Variants in ATP13A5 observed in about 807,000 individuals in gnomAD.
ATP13A5 encodes probable cation-transporting ATPase 13A5.
A neutral mutation model predicts 150.2 loss-of-function variants in ATP13A5; 149 were observed. The observed-to-expected ratio is 0.99, with a 90% CI of 0.87 to 1.14. The LOEUF (loss-of-function observed/expected upper bound fraction) is 1.14. Among genes scored for constraint, ATP13A5 ranks in the 50% most tolerant of loss-of-function variants. The probability of loss-of-function intolerance (pLI) is 0.00; values close to 1 mark genes in which losing one functional copy is unlikely to be tolerated. For synonymous variants in ATP13A5, 497 were observed against 522.2 expected (o/e 0.95, Z 0.66); for missense variants, 1,383 against 1,449.3 (o/e 0.95, Z 0.74).
intron 1 of ATP13A5, among the ~76,000 whole-genome samples, chr3:193,370,365 C>T (rs1328216469): frequency 6.6e-6 from 1 of 152,158 alleles, no homozygotes; most frequent in Non-Finnish European, 1.5e-5. Flanking sequence ...CACTTCTGCC[C>T]TTTGCTCCAC....
chr3:193,284,061 C>A (rs1717616753), intron 27 of ATP13A5, among the ~76,000 whole-genome samples: 1 of 150,828 alleles, frequency 6.6e-6, no homozygotes, highest in Admixed American at 6.6e-5. Context: ...TGCTCTGTTG[C>A]CCAGGCTGGA....
At chr3:193,375,375 AG>A in intron 1 of ATP13A5, among the ~76,000 whole-genome samples, 1 of 152,310 alleles carries the variant, frequency 6.6e-6, no homozygotes, top group Non-Finnish European at 1.5e-5. Flanking sequence ...TATAACCTGG[AG>A]GCTTCAGATT....
intron 9 of ATP13A5, 64 bp from the exon 10 acceptor site, chr3:193,335,163 G>A (rs1187855555): frequency 8.8e-6 from 13 of 1,483,746 alleles, no homozygotes; most frequent in Middle Eastern, 1.8e-4. Context: ...ACTGGTGCAT[G>A]CCAGTTTCAA....
At chr3:193,289,862 C>T (rs1471254452) in intron 26 of ATP13A5, 23 bp downstream of exon 26, 6 of 1,544,484 alleles carry the variant, frequency 3.9e-6, no homozygotes, top group South Asian at 2.5e-5. Context: ...CTTTCGAAAG[C>T]AGCACTAAGA....
intron 9 of ATP13A5, among the ~76,000 whole-genome samples, chr3:193,343,136 T>A (rs1256428872): frequency 6.6e-6 from 1 of 152,178 alleles, no homozygotes; most frequent in Admixed American, 6.6e-5. Flanking sequence ...TTAAAACATT[T>A]TCCCTGTCTT....
At chr3:193,364,073 T>G (rs1419677261) in intron 2 of ATP13A5, 34 bp downstream of exon 2, 1 of 1,607,696 alleles carries the variant, frequency 6.2e-7, no homozygotes, top group African/African-American at 1.3e-5. Flanking sequence ...GACACGATCA[T>G]GGCTTTCAAA....
chr3:193,372,639 G>A (rs1413263137), intron 1 of ATP13A5, among the ~76,000 whole-genome samples: 1 of 152,056 alleles, frequency 6.6e-6, no homozygotes, highest in Non-Finnish European at 1.5e-5. Flanking sequence ...GCATTCCAGG[G>A]CTAATTTTTT....
chr3:193,333,765 T>G lies in ATP13A5; in HGVS notation c.1257A>C (p.Val419=), dbSNP rs772535491. Reference sequence around the variant, plus strand: ...CAGTACTTACTCCATGGTACATATATACCCCTAGGGCATAGAAAAAACCCA... The same window carrying G: ...CAGTACTTACTCCATGGTACATATAGACCCCTAGGGCATAGAAAAAACCCA... ...GVMGFFYALG[V]YMYHGVPPKD... Residue 419 remains valine (V), a synonymous_variant, in exon 11 of 30, where the codon GTA becomes GTC. Coordinates refer to ENST00000342358, the MANE Select transcript of ATP13A5 (RefSeq NM_198505.4). 13 of 1,613,586 alleles carry G rather than the reference T, an allele frequency of 8.1e-6. No homozygotes were observed. Among genetic ancestry groups the G allele is most frequent in the South Asian group, 4.4e-5 (4 of 91,066 alleles).
At chr3:193,378,129 G>A (rs1460762923) in intron 1 of ATP13A5, among the ~76,000 whole-genome samples, 1 of 151,888 alleles carries the variant, frequency 6.6e-6, no homozygotes, top group Non-Finnish European at 1.5e-5. Context: ...GGAAAAAATT[G>A]GAGACATGAG....
rs756962925 is a variant in ATP13A5 at position 193,378,746 on chromosome 3, T to A, written c.-21A>T. On this transcript the variant is annotated 5_prime_UTR_variant, in exon 1 of 30. Transcript: ENST00000342358. ...TCCATCTGAACTCAACCGGCGAGGA[T>A]CTCTTCTGGCTAACTCCTTGGAGAA... 3.1e-6 allele frequency: 5 copies of A among 1,608,232 alleles called. No homozygotes were observed. In the East Asian group the frequency reaches 8.9e-5, roughly 29 times the overall value.
At position 193,338,248 on chromosome 3, in the gene ATP13A5, G is replaced by A. The variant is rs1429755685; in HGVS notation, c.944-3149C>T. 2.0e-5 allele frequency among the ~76,000 whole-genome samples: 3 copies of A among 152,168 alleles called. No individual in the cohort carries two copies. In the East Asian group the frequency reaches 5.8e-4, roughly 29 times the overall value. On this transcript the variant is annotated intron_variant, in intron 9 of 29. Coordinates refer to ENST00000342358, the MANE Select transcript of ATP13A5 (RefSeq NM_198505.4). The stretch of plus-strand genomic sequence containing the variant: ...TTTCTTTCTCCTGCCTGATTGCCCT[G>A]GCCAGAACTTCCAACACTATGTTGA...
chr3:193,279,862 C>A (rs1014531923), intron 27 of ATP13A5, among the ~76,000 whole-genome samples: 5 of 151,468 alleles, frequency 3.3e-5, no homozygotes, highest in African/African-American at 1.2e-4. Context: ...TGGTCCCAAT[C>A]AGCCTTTCTA....
Position 193,299,181 on chromosome 3 carries a change from T to C in ATP13A5, c.2798A>G (p.Tyr933Cys), listed in dbSNP as rs773274737. Residue 933 changes from tyrosine (Y) to cysteine (C), a missense_variant, in exon 25 of 30, where the codon TAC (tyrosine) becomes TGC (cysteine). This residue lies in a region of ATP13A5 where 568 missense variants were observed against 621.5 expected (regional missense o/e 0.91). Transcript: ENST00000342358. ...LYWQLQLFGN[Y>C]QYLMQDVAIT... ...GGCTACATCTTGCATGAGATACTGG[T>C]AATTTCCAAAGAGTTGTAGTTGCTG... 6.2e-7 allele frequency: 1 copy of C among 1,610,408 alleles called. No homozygotes were observed. The highest frequency in any genetic ancestry group is 1.1e-5 in the South Asian group (1 of 90,272).
chr3:193,366,260 A>G (rs921883828), intron 1 of ATP13A5, among the ~76,000 whole-genome samples: 1 of 152,056 alleles, frequency 6.6e-6, no homozygotes, highest in African/African-American at 2.4e-5. Flanking sequence ...TATATTAGTA[A>G]TTGCATTAAA....
At chr3:193,299,710 A>G (rs771221894) in intron 24 of ATP13A5, among the ~76,000 whole-genome samples, 1 of 152,132 alleles carries the variant, frequency 6.6e-6, no homozygotes, top group East Asian at 1.9e-4. Flanking sequence ...TCAGTCGGGT[A>G]CATCTGCCTT....
At chr3:193,343,463 T>C (rs538334705) in intron 9 of ATP13A5, among the ~76,000 whole-genome samples, 44 of 152,296 alleles carry the variant, frequency 2.9e-4, no homozygotes, top group Non-Finnish European at 4.4e-4. Flanking sequence ...CAAACTCCTT[T>C]CCTGTGAAAC....
Position 193,285,126 on chromosome 3 carries a change from A to C in ATP13A5, c.3024-10T>G. The C allele has an allele frequency of 6.2e-7, 1 of 1,607,886 alleles. No individual in the cohort carries two copies. Among genetic ancestry groups the C allele is most frequent in the Non-Finnish European group, 8.5e-7 (1 of 1,176,578 alleles). On this transcript the variant is annotated splice_polypyrimidine_tract_variant and intron_variant, in intron 26 of 29. Coordinates refer to ENST00000342358, the MANE Select transcript of ATP13A5 (RefSeq NM_198505.4). The stretch of plus-strand genomic sequence containing the variant: ...GGCCAGAAAACACTCACTACAAAAG[A>C]ATCACCAGTGTTTATGAAACATTTG...
At chr3:193,291,221 T>C (rs1345184744) in intron 25 of ATP13A5, among the ~76,000 whole-genome samples, 1 of 152,054 alleles carries the variant, frequency 6.6e-6, no homozygotes, top group Non-Finnish European at 1.5e-5. Context: ...ATTCTAAAGC[T>C]CTATGACTAA....
intron 1 of ATP13A5, among the ~76,000 whole-genome samples, chr3:193,376,420 C>T (rs998654743): frequency 1.3e-5 from 2 of 152,108 alleles, no homozygotes; most frequent in African/African-American, 4.8e-5. Flanking sequence ...CTATGTTAAC[C>T]AGACTGGTCT....
Sources: gnomAD v4.1 joint callset for allele counts (sites outside exome capture counted in the v4.1 genomes callset) on GRCh38, gnomAD v4.1.1 for gene constraint, gnomAD v4.1.1 regional missense constraint, MANE v1.5 for transcripts, NCBI Gene and HGNC (gene_info 2026-07-23, HGNC 2026-07-21) for gene names.